Variants in FSTL4 observed in about 807,000 individuals in gnomAD.
FSTL4 encodes follistatin like 4, also known as follistatin-related protein 4.
A neutral mutation model predicts 78.2 loss-of-function variants in FSTL4; 28 were observed. The observed-to-expected ratio is 0.36, with a 90% CI of 0.27 to 0.49. The LOEUF (loss-of-function observed/expected upper bound fraction) is 0.49, where lower values mean the gene tolerates loss of function less well. Among genes scored for constraint, FSTL4 ranks in the 20% least tolerant of loss-of-function variants. The probability of loss-of-function intolerance (pLI) is 0.98; values close to 1 mark genes in which losing one functional copy is unlikely to be tolerated. For missense variants in FSTL4, 922 were observed against 1,084.9 expected, an observed-to-expected ratio of 0.85 and a Z score of 2.11; for synonymous variants, 422 against 440.5, an observed-to-expected ratio of 0.96 and a Z score of 0.53.
At chr5:133,220,173 G>A (rs1751045095) in intron 12 of FSTL4, among the ~76,000 whole-genome samples, 1 of 152,224 alleles carries the variant, frequency 6.6e-6, no homozygotes, top group South Asian at 2.1e-4. Flanking sequence ...AAGGCATATG[G>A]GGCATTGACA....
At chr5:133,420,894 A>C (rs201628260) in intron 3 of FSTL4, among the ~76,000 whole-genome samples, 1 of 152,342 alleles carries the variant, frequency 6.6e-6, no homozygotes, top group East Asian at 1.9e-4. Context: ...CTATACGAGA[A>C]GGGTGACGGG....
intron 3 of FSTL4, among the ~76,000 whole-genome samples, chr5:133,479,222 T>G (rs1757980904): frequency 6.6e-6 from 1 of 152,194 alleles, no homozygotes; most frequent in African/African-American, 2.4e-5. Flanking sequence ...GGGGACCATG[T>G]GCGTCTTACT....
At chr5:133,765,402 G>A in the FSTL4 span, among the ~76,000 whole-genome samples, 1 of 152,174 alleles carries the variant, frequency 6.6e-6, no homozygotes, top group Non-Finnish European at 1.5e-5. Context: ...AATTCATCAT[G>A]AAGGCACCCA....
intron 4 of FSTL4, among the ~76,000 whole-genome samples, chr5:133,383,685 G>A (rs1295561395): frequency 2.0e-5 from 3 of 152,154 alleles, no homozygotes; most frequent in South Asian, 4.1e-4. Flanking sequence ...GTCTCCTGCC[G>A]CAGCCTTCAT....
chr5:133,211,853 G>A (rs1750736485), intron 13 of FSTL4, among the ~76,000 whole-genome samples: 1 of 152,078 alleles, frequency 6.6e-6, no homozygotes, highest in Non-Finnish European at 1.5e-5. Context: ...ATCTGTTGAT[G>A]ATCTCAACCT....
chr5:133,647,823 T>C, the FSTL4 span, among the ~76,000 whole-genome samples: 1 of 152,180 alleles, frequency 6.6e-6, no homozygotes, highest in African/African-American at 2.4e-5. Flanking sequence ...GTAATAACTG[T>C]GAAGGGAAGT....
chr5:133,400,348 A>G (rs967090674), intron 4 of FSTL4, among the ~76,000 whole-genome samples: 7 of 152,264 alleles, frequency 4.6e-5, no homozygotes, highest in South Asian at 2.1e-4. Context: ...ACCACATTCT[A>G]TGCACAGCAC....
At chr5:133,600,602 T>C (rs1266557220) in intron 2 of FSTL4, among the ~76,000 whole-genome samples, 1 of 152,200 alleles carries the variant, frequency 6.6e-6, no homozygotes, top group East Asian at 1.9e-4. Context: ...GTAAACTCCT[T>C]GAAACTATTT....
chr5:133,567,302 C>A (rs1191634862), intron 2 of FSTL4, 83 bp from the exon 3 acceptor site: 2 of 1,004,204 alleles, frequency 2.0e-6, no homozygotes, highest in African/African-American at 1.6e-5. Flanking sequence ...TCTTGTTAGT[C>A]ACACATTTAT....
At chr5:133,823,817 C>T in the FSTL4 span, among the ~76,000 whole-genome samples, 83 of 152,298 alleles carry the variant, frequency 5.4e-4, no homozygotes, top group African/African-American at 1.9e-3. Flanking sequence ...CCCTCCAAAG[C>T]CAGCCTGCCC....
chr5:133,266,018 G>A (rs577018428), intron 6 of FSTL4, among the ~76,000 whole-genome samples: 4 of 152,198 alleles, frequency 2.6e-5, no homozygotes, highest in Non-Finnish European at 4.4e-5. Flanking sequence ...CATGTTGTCC[G>A]CACCCAGGCC....
intron 3 of FSTL4, among the ~76,000 whole-genome samples, chr5:133,417,958 TAAAAAAA>T (rs527415337): frequency 1.8e-4 from 9 of 51,144 alleles, no homozygotes; most frequent in East Asian, 1.0e-3. Flanking sequence ...GACTCCATCT[TAAAAAAA>T]AAAAAAAAAA....
the FSTL4 span, among the ~76,000 whole-genome samples, chr5:133,710,208 G>A: frequency 6.6e-6 from 1 of 152,166 alleles, no homozygotes; most frequent in Admixed American, 6.5e-5. Flanking sequence ...AGGGAAAAAT[G>A]GACTCTGCAA....
chr5:133,812,348 A>G, the FSTL4 span, among the ~76,000 whole-genome samples: 1 of 152,116 alleles, frequency 6.6e-6, no homozygotes, highest in African/African-American at 2.4e-5. Flanking sequence ...AGAGTCTCAG[A>G]CTAAAATCGG....
intron 4 of FSTL4, among the ~76,000 whole-genome samples, chr5:133,392,773 G>T (rs1239452182): frequency 1.3e-5 from 2 of 152,190 alleles, no homozygotes; most frequent in African/African-American, 4.8e-5. Context: ...GAGAAAGAAG[G>T]ACAGGATGCC....
chr5:133,775,626 T>C, the FSTL4 span, among the ~76,000 whole-genome samples: 1 of 152,138 alleles, frequency 6.6e-6, no homozygotes, highest in Non-Finnish European at 1.5e-5. Flanking sequence ...ATTTATAAGA[T>C]CAAGCCTGAG....
chr5:133,393,659 C>T (rs1755916706), intron 4 of FSTL4, among the ~76,000 whole-genome samples: 1 of 152,238 alleles, frequency 6.6e-6, no homozygotes, highest in Non-Finnish European at 1.5e-5. Flanking sequence ...AAGGCCAGAC[C>T]AGGCTGAAGG....
intron 6 of FSTL4, among the ~76,000 whole-genome samples, chr5:133,253,508 C>A (rs1752311232): frequency 6.6e-6 from 1 of 152,242 alleles, no homozygotes; most frequent in Non-Finnish European, 1.5e-5. Flanking sequence ...GCTCCCACTG[C>A]ATCTTTTCTT....
At chr5:133,699,641 G>T in the FSTL4 span, among the ~76,000 whole-genome samples, 1 of 152,152 alleles carries the variant, frequency 6.6e-6, no homozygotes, top group East Asian at 1.9e-4. Flanking sequence ...CAGCACTTTG[G>T]GAGGCCAAGG....
Sources: gnomAD v4.1 joint callset for allele counts (sites outside exome capture counted in the v4.1 genomes callset) on GRCh38, gnomAD v4.1.1 for gene constraint, MANE v1.5 for transcripts, NCBI Gene and HGNC (gene_info 2026-07-23, HGNC 2026-07-21) for gene names.